Variants in MTERF4 observed in about 807,000 individuals in gnomAD.
MTERF4 encodes mitochondrial transcription termination factor 4.
A neutral mutation model predicts 22.5 loss-of-function variants in MTERF4; 17 were observed. That is an observed-to-expected ratio of 0.75 (90% CI 0.52 to 1.13). The LOEUF is 1.13. MTERF4 is among the 50% of genes most tolerant of loss of function. The pLI, the probability that MTERF4 is intolerant of heterozygous loss-of-function variation, is 0.00. For synonymous variants in MTERF4, 165 were observed against 175.3 expected (o/e 0.94, Z 0.47); for missense variants, 420 against 466.8 (o/e 0.90, Z 0.92).
chr2:241,097,492 C>G lies in MTERF4; in HGVS notation c.521-65G>C, dbSNP rs1188672473. On this transcript the variant is annotated intron_variant, in intron 2 of 3. Transcript: ENST00000391980. ...ATACTCCAGAAACTCAAGGAGCTAG[C>G]TGCACCCAATTTAAGTCCACATTTA... The G allele has an allele frequency of 1.3e-5, 20 of 1,481,770 alleles. No homozygotes were observed. The Admixed American group carries it at 4.1e-4, about 30-fold the overall frequency. 91.8% of individuals were successfully genotyped at this position (1,481,770 alleles called of 1,614,324 possible).
chr2:241,088,627 G>A, downstream of MTERF4: 1 of 555,560 alleles, frequency 1.8e-6, no homozygotes, highest in Non-Finnish European at 3.2e-6. Flanking sequence ...ACACCTTCAG[G>A]TGGAAATGAG....
intron 1 of MTERF4, among the ~76,000 whole-genome samples, chr2:241,100,876 G>C (rs1200912450): frequency 1.3e-5 from 2 of 152,150 alleles, no homozygotes; most frequent in Non-Finnish European, 2.9e-5. Flanking sequence ...TAACCCCTGT[G>C]TTGTTCAAGG....
downstream of MTERF4, chr2:241,090,568 G>A: frequency 1.7e-6 from 2 of 1,201,768 alleles, no homozygotes; most frequent in East Asian, 2.6e-5. Context: ...GGGCAGTGCA[G>A]TAGGTTTGTA....
the MTERF4 span, chr2:241,050,056 G>A: frequency 1.3e-6 from 1 of 753,388 alleles, no homozygotes; most frequent in South Asian, 1.5e-5. Flanking sequence ...CTAGAGCCTT[G>A]CCTGATGTGC....
downstream of MTERF4, chr2:241,093,239 G>A (rs994923676): frequency 2.0e-5 from 3 of 152,646 alleles, no homozygotes; most frequent in Non-Finnish European, 4.4e-5. Context: ...GGTGAACTGA[G>A]AGAAACCACG....
At chr2:241,048,191 G>C in the MTERF4 span, 4 of 1,182,004 alleles carry the variant, frequency 3.4e-6, no homozygotes, top group Non-Finnish European at 4.6e-6. Flanking sequence ...TAAGCTTCTG[G>C]CTTAAATTCC....
At chr2:241,053,344 T>A in the MTERF4 span, 1 of 1,548,896 alleles carries the variant, frequency 6.5e-7, no homozygotes, top group Non-Finnish European at 8.7e-7. Context: ...TGTGGGCCCT[T>A]GGGGTGGGGC....
chr2:241,055,523 C>T, the MTERF4 span, among the ~76,000 whole-genome samples: 1 of 152,132 alleles, frequency 6.6e-6, no homozygotes, highest in Non-Finnish European at 1.5e-5. Context: ...AATACCACCA[C>T]TGTCACTGTA....
chr2:241,062,136 T>G, the MTERF4 span, among the ~76,000 whole-genome samples: 2 of 152,186 alleles, frequency 1.3e-5, no homozygotes, highest in African/African-American at 4.8e-5. Context: ...AAGCTAATTT[T>G]AATTACATAT....
intron 1 of MTERF4, among the ~76,000 whole-genome samples, chr2:241,100,820 C>T (rs866695080): frequency 1.3e-5 from 2 of 152,120 alleles, no homozygotes; most frequent in African/African-American, 4.8e-5. Context: ...AGGAGTCAAA[C>T]GTTATACACT....
chr2:241,065,269 C>T, the MTERF4 span: 2 of 1,610,458 alleles, frequency 1.2e-6, no homozygotes, highest in African/African-American at 1.3e-5. Context: ...TGACCAGTCC[C>T]CTCCCCTTGT....
the MTERF4 span, among the ~76,000 whole-genome samples, chr2:241,058,055 T>TA: frequency 6.6e-6 from 1 of 152,152 alleles, no homozygotes; most frequent in African/African-American, 2.4e-5. Flanking sequence ...CTAGCACTCT[T>TA]AGACATTCCT....
the MTERF4 span, among the ~76,000 whole-genome samples, chr2:241,062,580 G>T: frequency 1.3e-5 from 2 of 152,118 alleles, no homozygotes; most frequent in Non-Finnish European, 2.9e-5. Flanking sequence ...TTTCAAGCCC[G>T]CCCTGCTGCT....
chr2:241,088,440 T>C, downstream of MTERF4: 3 of 1,566,900 alleles, frequency 1.9e-6, no homozygotes, highest in Non-Finnish European at 2.6e-6. Flanking sequence ...ACCACAGAGC[T>C]GCTGGGAAGT....
chr2:241,057,384 TATATATA>T, the MTERF4 span, among the ~76,000 whole-genome samples: 26 of 39,150 alleles, frequency 6.6e-4, no homozygotes, highest in East Asian at 0.016. Context: ...TCTCAAAATA[TATATATA>T]TATATATATA....
chr2:241,090,205 T>A, downstream of MTERF4: 1 of 1,474,852 alleles, frequency 6.8e-7, no homozygotes, highest in East Asian at 2.5e-5. Flanking sequence ...GTTTTTAAAA[T>A]TTTTAATTGT....
At chr2:241,043,374 A>G in the MTERF4 span, among the ~76,000 whole-genome samples, 16 of 152,236 alleles carry the variant, frequency 1.1e-4, no homozygotes, top group African/African-American at 3.9e-4. Flanking sequence ...GCACTGAAAG[A>G]AAAAACCATC....
At chr2:241,081,626 A>G in intron 4 of MTERF4, 2 of 1,327,640 alleles carry the variant, frequency 1.5e-6, no homozygotes, top group Non-Finnish European at 2.1e-6. Flanking sequence ...TCCATGAGGC[A>G]GGCCTGTCCT....
downstream of MTERF4, among the ~76,000 whole-genome samples, chr2:241,083,673 G>T (rs2063440538): frequency 6.6e-6 from 1 of 152,178 alleles, no homozygotes; most frequent in African/African-American, 2.4e-5. Context: ...TTACACCAGT[G>T]CCTGCTGGTG....
Sources: gnomAD v4.1 joint callset for allele counts (sites outside exome capture counted in the v4.1 genomes callset) on GRCh38, gnomAD v4.1.1 for gene constraint, MANE v1.5 for transcripts, NCBI Gene and HGNC (gene_info 2026-07-23, HGNC 2026-07-21) for gene names.